The following FMNL3 variants were observed in gnomAD, a reference collection of about 807,000 sequenced individuals.
FMNL3 encodes formin-like protein 3.
Under a neutral mutation model 119.6 loss-of-function variants are expected in FMNL3, and 57 were observed. The ratio of observed to expected loss-of-function variants is 0.48; its 90% CI spans 0.39 to 0.59. The LOEUF (loss-of-function observed/expected upper bound fraction) is 0.59, where lower values mean the gene tolerates loss of function less well. Among genes scored for constraint, FMNL3 ranks in the 20% least tolerant of loss-of-function variants. The pLI, the probability that FMNL3 is intolerant of heterozygous loss-of-function variation, is 0.00. For synonymous variants in FMNL3, 491 were observed against 507.3 expected, an observed-to-expected ratio of 0.97 and a Z score of 0.43; for missense variants, 1,053 against 1,323.5, an observed-to-expected ratio of 0.80 and a Z score of 3.17.
In FMNL3 at chr12:49,651,275, G is replaced by C; in HGVS notation, c.1690C>G (p.Pro564Ala). The C allele has an allele frequency of 6.2e-7, 1 of 1,612,462 alleles. No homozygotes were observed. The highest frequency in any genetic ancestry group is 8.5e-7 in the Non-Finnish European group (1 of 1,178,570). Residue 564 changes from proline to alanine, a missense_variant, in exon 16 of 26, where the codon CCT becomes GCT. By Grantham distance (27) the Pro-to-Ala change is conservative. Transcript: ENST00000335154. ...VGLSAIRIKK[P>A]IKTKFRLPVF... is the part of the protein sequence containing the mutation. The stretch of plus-strand genomic sequence containing the variant: ...GGCAGCCGGAACTTGGTCTTGATAG[G>C]TTTCTTAATTCGAATGGCTAATTTG...
chr12:49,673,753 C>T (rs1944108166), intron 1 of FMNL3, among the ~76,000 whole-genome samples: 1 of 152,276 alleles, frequency 6.6e-6, no homozygotes. Flanking sequence ...TCCTCCTCCA[C>T]CCAGCCCGCC....
chr12:49,692,525 GTTTATT>G (rs1944633209), intron 1 of FMNL3, among the ~76,000 whole-genome samples: 1 of 152,104 alleles, frequency 6.6e-6, no homozygotes, highest in Non-Finnish European at 1.5e-5. Flanking sequence ...ATAGGTTGGT[GTTTATT>G]TTTCTAGGCC....
chr12:49,673,399 C>T (rs1265281761), intron 1 of FMNL3, among the ~76,000 whole-genome samples: 1 of 152,252 alleles, frequency 6.6e-6, no homozygotes, highest in African/African-American at 2.4e-5. Flanking sequence ...CCCCATGTTC[C>T]CATGTTCCCA....
In FMNL3 at chr12:49,679,519, CT is replaced by C. The variant is rs551320921; in HGVS notation, c.127-10966del. ...ATCATTCTTGGAACAGCATTTGTGT[CT>C]TTTTTTTTTTTTTTTTTTTTTTTTG... On this transcript the variant is annotated intron_variant, in intron 1 of 25. Transcript: ENST00000335154. 5.3e-3 allele frequency among the ~76,000 whole-genome samples: 481 copies of C among 90,604 alleles called. 1 individual carries two copies. The highest frequency in any genetic ancestry group is 0.01 in the Middle Eastern group (1 of 98). 59.4% of individuals were successfully genotyped at this position (90,604 alleles called of 152,430 possible).
rs538081756 is a variant in FMNL3, at chr12:49,688,971, G to A, written c.126+18084C>T. On this transcript the variant is annotated intron_variant, in intron 1 of 25. Coordinates refer to ENST00000335154, the MANE Select transcript of FMNL3 (RefSeq NM_175736.5). ...TTTACCCTAAAGAAAGGCAAAAATGGGCTGGGCATGGTGGCTCATGCCTGT... is the reference window on the plus strand; with the variant it reads ...TTTACCCTAAAGAAAGGCAAAAATGAGCTGGGCATGGTGGCTCATGCCTGT... Among the ~76,000 whole-genome samples the A allele has an allele frequency of 7.9e-4, 120 of 152,206 alleles. 1 individual carries two copies. Among genetic ancestry groups the A allele is most frequent in the Non-Finnish European group, 1.4e-3 (97 of 67,990 alleles).
At chr12:49,685,874 G>A (rs982551655) in intron 1 of FMNL3, among the ~76,000 whole-genome samples, 12 of 151,948 alleles carry the variant, frequency 7.9e-5, no homozygotes, top group African/African-American at 2.4e-4. Context: ...TAAGACCAGC[G>A]TGGCCAACAC....
Position 49,647,881 on chromosome 12 carries a change from G to A in FMNL3, c.2677-77C>T. ...CTCCCACACCACGGATGAGAGGCCTGCAGAAAGCAGAGCCCAGGGCCAAAG... is the reference window on the plus strand; with the variant it reads ...CTCCCACACCACGGATGAGAGGCCTACAGAAAGCAGAGCCCAGGGCCAAAG... On this transcript the variant is annotated intron_variant, in intron 22 of 25. Coordinates refer to ENST00000335154, the MANE Select transcript of FMNL3 (RefSeq NM_175736.5). The surrounding 1 kb of genome is among the most constrained non-coding windows in gnomAD (Gnocchi z 4.9). 8.4e-7 allele frequency: 1 copy of A among 1,192,280 alleles called. No individual in the cohort carries two copies. The highest frequency in any genetic ancestry group is 1.2e-6 in the Non-Finnish European group (1 of 814,776). 73.9% of individuals were successfully genotyped at this position (1,192,280 alleles called of 1,614,324 possible). A position where few individuals can be genotyped will look rare whatever the true frequency, so the allele number is the denominator to read the frequency against.
rs1050797987 is a variant in FMNL3, at chr12:49,648,458, T to C, written c.2516-105A>G. ...GCCCTCCCCCTCAGCATGGGCTCACTCAGGTTCACATACCTGTATGGACAT... is the reference window on the plus strand; with the variant it reads ...GCCCTCCCCCTCAGCATGGGCTCACCCAGGTTCACATACCTGTATGGACAT... On this transcript the variant is annotated intron_variant, in intron 21 of 25. Transcript: ENST00000335154. 4.0e-6 allele frequency: 5 copies of C among 1,243,374 alleles called. No homozygotes were observed. In the African/African-American group the frequency reaches 6.1e-5, roughly 15 times the overall value. The allele number at this position is 1,243,374 out of a possible 1,614,324, so 77.0% of individuals were successfully genotyped here.
At chr12:49,661,442 C>G (rs1943730218) in intron 5 of FMNL3, among the ~76,000 whole-genome samples, 1 of 152,180 alleles carries the variant, frequency 6.6e-6, no homozygotes, top group Non-Finnish European at 1.5e-5. Context: ...TAACTCACTT[C>G]TGGCTGCCTC....
At position 49,649,951 on chromosome 12, in the gene FMNL3, A is replaced by G. The variant is rs1943342569; in HGVS notation, c.2001-26T>C. 1 of 1,577,938 alleles carries G rather than the reference A, an allele frequency of 6.3e-7. No individual in the cohort carries two copies. The highest frequency in any genetic ancestry group is 1.3e-5 in the African/African-American group (1 of 74,266). ...CTGTGGAGGAGGGAGGGACCACCTCAGTTCTCACATCTCTCCACGTTTTCC... is the reference window on the plus strand; with the variant it reads ...CTGTGGAGGAGGGAGGGACCACCTCGGTTCTCACATCTCTCCACGTTTTCC... On this transcript the variant is annotated intron_variant, in intron 17 of 25. Coordinates refer to ENST00000335154, the MANE Select transcript of FMNL3 (RefSeq NM_175736.5). The surrounding 1 kb of genome is among the most constrained non-coding windows in gnomAD (Gnocchi z 5.6).
chr12:49,666,726 G>C (rs190029451), intron 2 of FMNL3, among the ~76,000 whole-genome samples: 1 of 152,146 alleles, frequency 6.6e-6, no homozygotes, highest in Admixed American at 6.5e-5. Flanking sequence ...GAGCCCCGGA[G>C]TTTGAGGCTA....
chr12:49,677,478 G>A (rs761301546), intron 1 of FMNL3, among the ~76,000 whole-genome samples: 2 of 152,134 alleles, frequency 1.3e-5, no homozygotes, highest in Non-Finnish European at 2.9e-5. Context: ...AGGAATAATA[G>A]TACTTACCCC....
chr12:49,643,789 T>C lies in FMNL3; in HGVS notation c.*2026A>G, dbSNP rs778972841. 1 of 1,613,670 alleles carries C rather than the reference T, an allele frequency of 6.2e-7. No homozygotes were observed. The highest frequency in any genetic ancestry group is 1.1e-5 in the South Asian group (1 of 91,032). ...AACTTCTACCTAAGCCCCTGCTATT[T>C]TGTGAGTTCTGTTCTACCTGCCTCC... On this transcript the variant is annotated 3_prime_UTR_variant, in exon 26 of 26. Transcript: ENST00000335154.
chr12:49,656,976 C>A lies in FMNL3; in HGVS notation c.715-77G>T. 2.6e-6 allele frequency: 4 copies of A among 1,527,530 alleles called. No individual in the cohort carries two copies. The South Asian group carries it at 4.5e-5, about 17-fold the overall frequency. 94.6% of individuals were successfully genotyped at this position (1,527,530 alleles called of 1,614,324 possible). On this transcript the variant is annotated intron_variant, in intron 7 of 25. Coordinates refer to ENST00000335154, the MANE Select transcript of FMNL3 (RefSeq NM_175736.5). Reference sequence around the variant, plus strand: ...CCCAGCCAATCTCCTTGACCGTAGGCCCACCAGCAAACCTGTCTTTTATAA... The same window carrying A: ...CCCAGCCAATCTCCTTGACCGTAGGACCACCAGCAAACCTGTCTTTTATAA...
chr12:49,636,577 G>GC lies in FMNL3; in HGVS notation c.*9237dup, dbSNP rs1941834244. On this transcript the variant is annotated 3_prime_UTR_variant, in exon 26 of 26. Coordinates refer to ENST00000335154, the MANE Select transcript of FMNL3 (RefSeq NM_175736.5). ...CCATTGCAGTGGCTGCTCCCACAGAGCCCCCTCCAGGCCCTTCCCCCACCA... is the reference window on the plus strand; with the variant it reads ...CCATTGCAGTGGCTGCTCCCACAGAGCCCCCCTCCAGGCCCTTCCCCCACCA... 2.8e-6 allele frequency: 3 copies of GC among 1,074,684 alleles called. No individual in the cohort carries two copies. The highest frequency in any genetic ancestry group is 4.1e-6 in the Non-Finnish European group (3 of 740,070). The allele number at this position is 1,074,684 out of a possible 1,614,324, so 66.6% of individuals were successfully genotyped here. A position where few individuals can be genotyped will look rare whatever the true frequency, so the allele number is the denominator to read the frequency against.
chr12:49,663,691 G>A (rs373134066), intron 4 of FMNL3, among the ~76,000 whole-genome samples: 211 of 152,350 alleles, frequency 1.4e-3, no homozygotes, highest in South Asian at 0.011. Flanking sequence ...TGGGAACCAC[G>A]CTGCTTTGGA....
intron 4 of FMNL3, among the ~76,000 whole-genome samples, chr12:49,663,216 T>C (rs1017190731): frequency 6.6e-6 from 1 of 152,196 alleles, no homozygotes; most frequent in African/African-American, 2.4e-5. Context: ...TCATTTCCTG[T>C]CTGAGTCTAT....
intron 1 of FMNL3, among the ~76,000 whole-genome samples, chr12:49,673,078 C>T (rs1210542935): frequency 6.6e-6 from 1 of 152,158 alleles, no homozygotes; most frequent in Non-Finnish European, 1.5e-5. Context: ...CCCTCTTGAA[C>T]CACCTCCCAC....
chr12:49,695,704 A>C (rs1471348251), intron 1 of FMNL3, among the ~76,000 whole-genome samples: 1 of 152,214 alleles, frequency 6.6e-6, no homozygotes, highest in Admixed American at 6.5e-5. Flanking sequence ...CTCTACTCAG[A>C]AAAAAACAGA....
Sources: gnomAD v4.1 joint callset for allele counts (sites outside exome capture counted in the v4.1 genomes callset) on GRCh38, gnomAD v4.1.1 for gene constraint, Gnocchi (gnomAD v3.1) non-coding constraint, MANE v1.5 for transcripts, NCBI Gene and HGNC (gene_info 2026-07-23, HGNC 2026-07-21) for gene names.